Variants in PCDHGB2 observed in about 807,000 individuals in gnomAD.
PCDHGB2 encodes the protein protocadherin gamma subfamily B, 2.
A neutral mutation model predicts 59.3 loss-of-function variants in PCDHGB2; 55 were observed. The observed-to-expected ratio is 0.93, with a 90% CI of 0.75 to 1.16. The LOEUF is 1.16. Ranked by LOEUF, PCDHGB2 falls within the 50% of genes most tolerant of loss-of-function variation. The pLI, the probability that PCDHGB2 is intolerant of heterozygous loss-of-function variation, is 0.00. For missense variants in PCDHGB2, 1,228 were observed against 1,198.5 expected (o/e 1.02, Z -0.36); for synonymous variants, 516 against 512.0 (o/e 1.01, Z -0.11).
At chr5:141,414,358 C>T (rs1414747968) in intron 1 of PCDHGB2, 1 of 1,613,818 alleles carries the variant, frequency 6.2e-7, no homozygotes, top group Non-Finnish European at 8.5e-7. Context: ...GGCGTATCTA[C>T]CATTTAAATT....
At position 141,490,076 on chromosome 5, in the gene PCDHGB2, A is replaced by G. The variant is rs1025569516; in HGVS notation, c.2422-4731A>G. 2.5e-6 allele frequency: 4 copies of G among 1,614,240 alleles called. No homozygotes were observed. The highest frequency in any genetic ancestry group is 1.3e-5 in the African/African-American group (1 of 75,070). Reference sequence around the variant, plus strand: ...GAGGGCACCAACGGCCAACTAGACTATTCTTTTGGAGACCACACATCTGAG... The same window carrying G: ...GAGGGCACCAACGGCCAACTAGACTGTTCTTTTGGAGACCACACATCTGAG... On this transcript the variant is annotated intron_variant, in intron 1 of 3. Coordinates refer to ENST00000522605, the MANE Select transcript of PCDHGB2 (RefSeq NM_018923.3). The surrounding 1 kb of genome is among the most constrained non-coding windows in gnomAD (Gnocchi z 5.4).
chr5:141,410,844 TTTGTC>T, intron 1 of PCDHGB2: 1 of 422,400 alleles, frequency 2.4e-6, no homozygotes, highest in Non-Finnish European at 3.9e-6. Context: ...ATATTTTGTC[TTTGTC>T]TTTTTTTTTT....
intron 1 of PCDHGB2, 82 bp from the exon 2 acceptor site, chr5:141,494,725 C>G: frequency 6.2e-7 from 1 of 1,610,026 alleles, no homozygotes; most frequent in East Asian, 2.2e-5. Flanking sequence ...CCCTCCTTCT[C>G]TCCCGGCCCA....
At chr5:141,369,792 G>C (rs1166011408) in intron 1 of PCDHGB2, among the ~76,000 whole-genome samples, 1 of 152,158 alleles carries the variant, frequency 6.6e-6, no homozygotes, top group Non-Finnish European at 1.5e-5. Context: ...TTTATACTAC[G>C]TCTTCTGCCA....
At chr5:141,388,887 G>T (rs1445900617) in intron 1 of PCDHGB2, 1 of 1,613,988 alleles carries the variant, frequency 6.2e-7, no homozygotes, top group South Asian at 1.1e-5. Context: ...GGAGGTAGAA[G>T]TCATAGATGA....
rs756294828 is a variant in PCDHGB2, at chr5:141,417,904, G to A, written c.2421+55348G>A. 2.5e-6 allele frequency: 4 copies of A among 1,591,934 alleles called. No homozygotes were observed. The South Asian group carries it at 3.4e-5, about 13-fold the overall frequency. On this transcript the variant is annotated intron_variant, in intron 1 of 3. Transcript: ENST00000522605. Reference sequence around the variant, plus strand: ...AGAGGCGCCGGGCCGGCCCGCGGCAGGTACTATTTCCTTTGCTGCTGCCTT... The same window carrying A: ...AGAGGCGCCGGGCCGGCCCGCGGCAAGTACTATTTCCTTTGCTGCTGCCTT...
chr5:141,375,505 G>A lies in PCDHGB2; in HGVS notation c.2421+12949G>A, dbSNP rs551956324. On this transcript the variant is annotated intron_variant, in intron 1 of 3. Coordinates refer to ENST00000522605, the MANE Select transcript of PCDHGB2 (RefSeq NM_018923.3). The stretch of plus-strand genomic sequence containing the variant: ...CCAGGGGTGCCTCCATCTTCTCTGT[G>A]AATGCACTGGACCCTGACGTGGACC... The A allele has an allele frequency of 1.5e-5, 25 of 1,613,998 alleles. 1 individual carries two copies. The South Asian group carries it at 2.7e-4, about 18-fold the overall frequency.
At chr5:141,471,802 A>G (rs2154571076) in intron 1 of PCDHGB2, among the ~76,000 whole-genome samples, 1 of 152,362 alleles carries the variant, frequency 6.6e-6, no homozygotes, top group African/African-American at 2.4e-5. Context: ...TATAAAAGAC[A>G]TATAAAAGAC....
intron 1 of PCDHGB2, chr5:141,371,929 G>A: frequency 6.2e-7 from 1 of 1,613,366 alleles, no homozygotes; most frequent in South Asian, 1.1e-5. Flanking sequence ...GCGCGGAGCG[G>A]GGTGGTGTTC....
At chr5:141,471,444 A>G (rs1366430114) in intron 1 of PCDHGB2, 1 of 152,150 alleles carries the variant, frequency 6.6e-6, no homozygotes, top group Non-Finnish European at 1.5e-5. Context: ...AATCTCATGT[A>G]CCTTTTGAAA....
At chr5:141,457,108 T>C (rs186630889) in intron 1 of PCDHGB2, among the ~76,000 whole-genome samples, 40 of 152,338 alleles carry the variant, frequency 2.6e-4, no homozygotes, top group African/African-American at 9.1e-4. Flanking sequence ...TTAAGCAAAA[T>C]ACGACAGCAA....
At position 141,459,533 on chromosome 5, in the gene PCDHGB2, A is replaced by AT. The variant is rs956234847; in HGVS notation, c.2422-35266dup. Among the ~76,000 whole-genome samples the AT allele has an allele frequency of 1.2e-4, 18 of 152,018 alleles. No homozygotes were observed. In the South Asian group the frequency reaches 2.3e-3, roughly 19 times the overall value. ...CATGTACAAGTATTTTTGTAGGCAT[A>AT]TTTTTTTTATTTCTCTTGGATAAAT... is the stretch of plus-strand genomic sequence containing the variant. On this transcript the variant is annotated intron_variant, in intron 1 of 3. Transcript: ENST00000522605.
intron 1 of PCDHGB2, chr5:141,414,483 A>T (rs756254490): frequency 5.6e-6 from 9 of 1,613,826 alleles, no homozygotes; most frequent in Non-Finnish European, 6.8e-6. Flanking sequence ...GTCCTCCTCT[A>T]TCAACGGAAG....
chr5:141,384,981 G>T (rs1780732379), intron 1 of PCDHGB2: 1 of 1,614,142 alleles, frequency 6.2e-7, no homozygotes, highest in Non-Finnish European at 8.5e-7. Context: ...TGTACCTGGT[G>T]GTGGCGGTGG....
intron 1 of PCDHGB2, among the ~76,000 whole-genome samples, chr5:141,443,695 A>G (rs1324985529): frequency 1.3e-5 from 2 of 152,272 alleles, no homozygotes; most frequent in Non-Finnish European, 2.9e-5. Context: ...TTCAAAAATT[A>G]TAGAATAACA....
Position 141,486,955 on chromosome 5 carries a change from T to A in PCDHGB2, c.2422-7852T>A, listed in dbSNP as rs1459820579. 1.9e-6 allele frequency: 3 copies of A among 1,614,128 alleles called. No individual in the cohort carries two copies. The highest frequency in any genetic ancestry group is 2.5e-6 in the Non-Finnish European group (3 of 1,180,048). ...CTGGCCACCTAATCACAAAGGTGACTGCTGTGGACTTGGATTCAGGTTACA... is the reference window on the plus strand; with the variant it reads ...CTGGCCACCTAATCACAAAGGTGACAGCTGTGGACTTGGATTCAGGTTACA... On this transcript the variant is annotated intron_variant, in intron 1 of 3. Coordinates refer to ENST00000522605, the MANE Select transcript of PCDHGB2 (RefSeq NM_018923.3). This position sits in a 1 kb window ranked among gnomAD's most constrained non-coding sequence, Gnocchi z 5.0.
At chr5:141,395,506 G>A in intron 1 of PCDHGB2, 1 of 433,794 alleles carries the variant, frequency 2.3e-6, no homozygotes, top group East Asian at 4.4e-5. Flanking sequence ...CACTTAAGAA[G>A]TAGCTACCCG....
At position 141,431,140 on chromosome 5, in the gene PCDHGB2, C is replaced by T. The variant is rs145692116; in HGVS notation, c.2422-63667C>T. 2.4e-5 allele frequency: 38 copies of T among 1,614,208 alleles called. No individual in the cohort carries two copies. Among genetic ancestry groups the T allele is most frequent in the Admixed American group, 3.3e-5 (2 of 60,038 alleles). On this transcript the variant is annotated intron_variant, in intron 1 of 3. Coordinates refer to ENST00000522605, the MANE Select transcript of PCDHGB2 (RefSeq NM_018923.3). This position sits in a 1 kb window ranked among gnomAD's most constrained non-coding sequence, Gnocchi z 4.8. ...TAGAAGTAGAAGTAAGGGACATTAA[C>T]GACAATGCGCCTTACTTTCGTGAAA...
In PCDHGB2 at chr5:141,486,565, T is replaced by C; in HGVS notation, c.2422-8242T>C. ...TTCAGAGGTCACATGAGGTGTTTGT[T>C]CCTGAGAACAATCGCCCAGGGGACC... On this transcript the variant is annotated intron_variant, in intron 1 of 3. Coordinates refer to ENST00000522605, the MANE Select transcript of PCDHGB2 (RefSeq NM_018923.3). The surrounding 1 kb of genome is among the most constrained non-coding windows in gnomAD (Gnocchi z 5.0). 6.2e-7 allele frequency: 1 copy of C among 1,614,024 alleles called. No homozygotes were observed. Among genetic ancestry groups the C allele is most frequent in the Non-Finnish European group, 8.5e-7 (1 of 1,180,032 alleles).
Sources: gnomAD v4.1 joint callset for allele counts (sites outside exome capture counted in the v4.1 genomes callset) on GRCh38, gnomAD v4.1.1 for gene constraint, Gnocchi (gnomAD v3.1) non-coding constraint, MANE v1.5 for transcripts, NCBI Gene and HGNC (gene_info 2026-07-23, HGNC 2026-07-21) for gene names.